The following RXRG variants were observed in gnomAD, a reference collection of about 807,000 sequenced individuals.
The protein encoded by RXRG is retinoic acid receptor RXR-gamma.
A neutral mutation model predicts 49.2 loss-of-function variants in RXRG; 19 were observed. That is an observed-to-expected ratio of 0.39 (90% CI 0.27 to 0.57). RXRG has a LOEUF of 0.57. Among genes scored for constraint, RXRG ranks in the 20% least tolerant of loss-of-function variants. The pLI, the probability that RXRG is intolerant of heterozygous loss-of-function variation, is 0.64. For missense variants in RXRG, 452 were observed against 592.5 expected, an observed-to-expected ratio of 0.76 and a Z score of 2.46; for synonymous variants, 224 against 216.6, an observed-to-expected ratio of 1.03 and a Z score of -0.30.
At chr1:165,441,601 C>T (rs1029358260) in intron 1 of RXRG, among the ~76,000 whole-genome samples, 2 of 152,130 alleles carry the variant, frequency 1.3e-5, no homozygotes, top group African/African-American at 4.8e-5. Flanking sequence ...TTACATGAGC[C>T]GAGGCTGGTA....
rs3767363 is a variant in RXRG, at chr1:165,442,067, G to A, written c.49+2778C>T. 7.2e-5 allele frequency among the ~76,000 whole-genome samples: 11 copies of A among 152,278 alleles called. No homozygotes were observed. The East Asian group carries it at 2.1e-3, about 29-fold the overall frequency. The stretch of plus-strand genomic sequence containing the variant: ...CCCTGGAGATTCTTATACAAATCAT[G>A]GGGCCCTCTGTAATTCCATGTGCTA... On this transcript the variant is annotated intron_variant, in intron 1 of 9. Coordinates refer to ENST00000359842, the MANE Select transcript of RXRG (RefSeq NM_006917.5).
At chr1:165,431,491 A>G (rs888836590) in intron 1 of RXRG, among the ~76,000 whole-genome samples, 2 of 152,192 alleles carry the variant, frequency 1.3e-5, no homozygotes, top group Non-Finnish European at 2.9e-5. Context: ...CCCTGATTCA[A>G]TGGGTGAGGA....
intron 1 of RXRG, among the ~76,000 whole-genome samples, chr1:165,433,030 T>C (rs572537990): frequency 1.3e-3 from 199 of 152,296 alleles, no homozygotes; most frequent in African/African-American, 4.5e-3. Flanking sequence ...AATGCACTTA[T>C]AAGAGAGGAC....
chr1:165,414,385 G>A (rs921223005), intron 4 of RXRG, among the ~76,000 whole-genome samples: 1 of 152,020 alleles, frequency 6.6e-6, no homozygotes, highest in Non-Finnish European at 1.5e-5. Context: ...AACATTTAAC[G>A]AACCACAGTT....
chr1:165,423,847 C>T (rs891410392), intron 2 of RXRG, among the ~76,000 whole-genome samples: 1 of 152,208 alleles, frequency 6.6e-6, no homozygotes, highest in Non-Finnish European at 1.5e-5. Context: ...TTAAAATCAT[C>T]AGACGAGATG....
intron 9 of RXRG, among the ~76,000 whole-genome samples, 155 bp from the exon 10 acceptor site, chr1:165,401,565 A>T (rs967088734): frequency 6.6e-6 from 1 of 152,246 alleles, no homozygotes; most frequent in African/African-American, 2.4e-5. Context: ...CTAAGCCTAA[A>T]GAGCTTCAGA....
chr1:165,431,475 C>G (rs934607885), intron 1 of RXRG, among the ~76,000 whole-genome samples: 1 of 152,150 alleles, frequency 6.6e-6, no homozygotes, highest in African/African-American at 2.4e-5. Flanking sequence ...GTGAGTTAGG[C>G]GCCAGCCCTG....
chr1:165,421,771 A>G (rs1031794264), intron 2 of RXRG, among the ~76,000 whole-genome samples: 1 of 152,220 alleles, frequency 6.6e-6, no homozygotes, highest in African/African-American at 2.4e-5. Flanking sequence ...ACCTCAGGCA[A>G]TCTGCCCGTC....
At chr1:165,432,985 T>TAGGC (rs1658716123) in intron 1 of RXRG, among the ~76,000 whole-genome samples, 1 of 152,048 alleles carries the variant, frequency 6.6e-6, no homozygotes, top group Non-Finnish European at 1.5e-5. Flanking sequence ...TGGAAGTGAG[T>TAGGC]AGGCCATGAG....
chr1:165,435,696 A>T lies in RXRG; in HGVS notation c.50-6730T>A, dbSNP rs575243380. On this transcript the variant is annotated intron_variant, in intron 1 of 9. Transcript: ENST00000359842. ...CACATAATTGCACCAAATGAACAAA[A>T]TGACTAGGAGTGGGAGGCAGGGGAC... 1.2e-3 allele frequency among the ~76,000 whole-genome samples: 178 copies of T among 152,360 alleles called. 1 individual carries two copies. The highest frequency in any genetic ancestry group is 4.0e-3 in the African/African-American group (165 of 41,584).
chr1:165,430,837 C>T (rs1472546226), intron 1 of RXRG, among the ~76,000 whole-genome samples: 1 of 152,200 alleles, frequency 6.6e-6, no homozygotes, highest in Non-Finnish European at 1.5e-5. Flanking sequence ...CATCTAACCC[C>T]ATACCATTTC....
chr1:165,409,529 C>A, intron 7 of RXRG, 29 bp downstream of exon 7: 2 of 1,438,190 alleles, frequency 1.4e-6, no homozygotes, highest in African/African-American at 1.5e-5. Context: ...ACATAATACA[C>A]ACAAATACTG....
intron 3 of RXRG, 71 bp from the exon 4 acceptor site, chr1:165,417,291 C>CTT (rs1378752600): frequency 7.1e-7 from 1 of 1,399,230 alleles, no homozygotes; most frequent in East Asian, 2.3e-5. Context: ...AAAAGAACCT[C>CTT]TTGGCTCTTC....
intron 2 of RXRG, chr1:165,424,945 G>A (rs1658437576): frequency 3.0e-6 from 3 of 985,526 alleles, no homozygotes; most frequent in South Asian, 4.7e-5. Context: ...TGTGGTTCCG[G>A]AGCCCAAGCC....
At chr1:165,414,541 A>G (rs1304126972) in intron 4 of RXRG, among the ~76,000 whole-genome samples, 1 of 152,204 alleles carries the variant, frequency 6.6e-6, no homozygotes, top group African/African-American at 2.4e-5. Context: ...TTAATTCAAT[A>G]TCATGTGCTT....
chr1:165,433,453 T>C (rs964669626), intron 1 of RXRG, among the ~76,000 whole-genome samples: 1 of 152,208 alleles, frequency 6.6e-6, no homozygotes, highest in East Asian at 1.9e-4. Flanking sequence ...CAGGCACCTA[T>C]GCCAGATGCC....
Position 165,445,001 on chromosome 1 carries a change from G to C in RXRG, c.-108C>G. 9.8e-7 allele frequency: 1 copy of C among 1,024,256 alleles called. No homozygotes were observed. The highest frequency in any genetic ancestry group is 1.3e-5 in the South Asian group (1 of 75,534). The allele number at this position is 1,024,256 out of a possible 1,614,324, so 63.4% of individuals were successfully genotyped here. A position where few individuals can be genotyped will look rare whatever the true frequency, so the allele number is the denominator to read the frequency against. ...TCTTCAACTTGGGCTAACAAGAGTGGTCATCGCTTCCTAGCAGCCCGGGGA... is the reference window on the plus strand; with the variant it reads ...TCTTCAACTTGGGCTAACAAGAGTGCTCATCGCTTCCTAGCAGCCCGGGGA... On this transcript the variant is annotated 5_prime_UTR_variant, in exon 1 of 10. Coordinates refer to ENST00000359842, the MANE Select transcript of RXRG (RefSeq NM_006917.5).
Position 165,444,916 on chromosome 1 carries a change from C to T in RXRG, c.-23G>A. Reference sequence around the variant, plus strand: ...CATGTTTACTCGTCAGTTCATGTTCCTCTCCTGTGCAGCTTCTAAATATTA... The same window carrying T: ...CATGTTTACTCGTCAGTTCATGTTCTTCTCCTGTGCAGCTTCTAAATATTA... On this transcript the variant is annotated 5_prime_UTR_variant, in exon 1 of 10. Coordinates refer to ENST00000359842, the MANE Select transcript of RXRG (RefSeq NM_006917.5). The T allele has an allele frequency of 1.2e-6, 2 of 1,611,714 alleles. No individual in the cohort carries two copies. The highest frequency in any genetic ancestry group is 1.7e-6 in the Non-Finnish European group (2 of 1,177,886).
intron 2 of RXRG, among the ~76,000 whole-genome samples, chr1:165,424,543 A>G (rs2101729780): frequency 6.6e-6 from 1 of 152,364 alleles, no homozygotes; most frequent in African/African-American, 2.4e-5. Context: ...TGAAACAGAA[A>G]CAAGTTAAAG....
Sources: allele counts gnomAD v4.1 joint callset (sites outside exome capture counted in the v4.1 genomes callset), GRCh38; gene constraint gnomAD v4.1.1; transcripts MANE v1.5; gene names NCBI Gene and HGNC (gene_info 2026-07-23, HGNC 2026-07-21).